GALNTL6: variants seen among roughly 807,000 people sequenced by gnomAD.
The protein encoded by GALNTL6 is polypeptide N-acetylgalactosaminyltransferase-like 6.
Under a neutral mutation model 73.7 loss-of-function variants are expected in GALNTL6, and 46 were observed. The observed-to-expected ratio is 0.62, with a 90% CI of 0.49 to 0.80. The LOEUF (loss-of-function observed/expected upper bound fraction) is 0.80, where lower values mean the gene tolerates loss of function less well. Among genes scored for constraint, GALNTL6 ranks in the 30% least tolerant of loss-of-function variants. The probability of loss-of-function intolerance (pLI) is 0.00; values close to 1 mark genes in which losing one functional copy is unlikely to be tolerated. For synonymous variants in GALNTL6, 259 were observed against 263.7 expected (o/e 0.98, Z 0.17); for missense variants, 604 against 755.0 (o/e 0.80, Z 2.34).
Position 172,809,472 on chromosome 4 carries a change from T to A in GALNTL6, c.665T>A (p.Met222Lys). The A allele has an allele frequency of 6.2e-7, 1 of 1,613,888 alleles. No homozygotes were observed. Among genetic ancestry groups the A allele is most frequent in the Non-Finnish European group, 8.5e-7 (1 of 1,179,860 alleles). ...CGGACCCGTCTCCTGGGGGCATCTA[T>A]GGCCAGAGGAGAAGTCCTGACATTC... Reference protein sequence around the residue: ...LIRTRLLGASMARGEVLTFLD... With the variant: ...LIRTRLLGASKARGEVLTFLD... The change falls in exon 6 of 13, where the codon ATG (methionine) becomes AAG (lysine). Residue 222 changes from methionine (M) to lysine (K), a missense_variant. Coordinates refer to ENST00000506823, the MANE Select transcript of GALNTL6 (RefSeq NM_001034845.3). This position sits in a 1 kb window ranked among gnomAD's most constrained non-coding sequence, Gnocchi z 4.4.
intron 5 of GALNTL6, among the ~76,000 whole-genome samples, chr4:172,609,813 G>C (rs922512834): frequency 1.3e-5 from 2 of 150,730 alleles, no homozygotes; most frequent in Non-Finnish European, 2.9e-5. Context: ...CTATGAATCC[G>C]TCTGGTCCTG....
chr4:172,871,220 T>C (rs7657402), intron 7 of GALNTL6, among the ~76,000 whole-genome samples: 1,978 of 152,272 alleles, frequency 0.013, 50 homozygotes, highest in African/African-American at 0.045. Context: ...TCCCTTCCTC[T>C]GGAGATAATA....
intron 5 of GALNTL6, among the ~76,000 whole-genome samples, chr4:172,409,002 T>C (rs1161619844): frequency 6.6e-6 from 1 of 152,086 alleles, no homozygotes; most frequent in East Asian, 1.9e-4. Flanking sequence ...TTATTAAGCC[T>C]TTTTAATTTA....
chr4:172,271,940 C>T (rs1039461899), intron 3 of GALNTL6, among the ~76,000 whole-genome samples: 2 of 150,860 alleles, frequency 1.3e-5, no homozygotes, highest in Non-Finnish European at 2.9e-5. Flanking sequence ...ATAGGGCCAT[C>T]ATAAATATAT....
intron 5 of GALNTL6, among the ~76,000 whole-genome samples, chr4:172,716,900 T>G (rs1374102249): frequency 6.6e-6 from 1 of 152,174 alleles, no homozygotes; most frequent in Non-Finnish European, 1.5e-5. Flanking sequence ...ATAGTTGGAG[T>G]TTATGTCATT....
intron 9 of GALNTL6, among the ~76,000 whole-genome samples, chr4:172,937,006 G>T (rs1243639730): frequency 6.6e-6 from 1 of 151,998 alleles, no homozygotes; most frequent in Non-Finnish European, 1.5e-5. Flanking sequence ...AGCAGCCTGG[G>T]CATCTCTGGT....
intron 2 of GALNTL6, among the ~76,000 whole-genome samples, chr4:171,879,930 C>A (rs1736392434): frequency 6.6e-6 from 1 of 152,022 alleles, no homozygotes; most frequent in South Asian, 2.1e-4. Context: ...TCTTTTCATC[C>A]TGAAGAAATA....
In GALNTL6 at chr4:172,952,465, T is replaced by C. The variant is rs112623877; in HGVS notation, c.1371+207T>C. The stretch of plus-strand genomic sequence containing the variant: ...TCAGAGTTGATAGCCTAACCCAGAA[T>C]TAGTGACCACTGTTGATTCCCCAGA... On this transcript the variant is annotated intron_variant, in intron 10 of 12. Transcript: ENST00000506823. Among the ~76,000 whole-genome samples the C allele has an allele frequency of 5.2e-3, 786 of 152,306 alleles. 10 individuals carry two copies. The highest frequency in any genetic ancestry group is 0.018 in the African/African-American group (740 of 41,570).
chr4:172,778,283 G>A (rs1048904977), intron 5 of GALNTL6, among the ~76,000 whole-genome samples: 3 of 152,142 alleles, frequency 2.0e-5, no homozygotes, highest in African/African-American at 7.2e-5. Flanking sequence ...AGGATAGGTG[G>A]CCCAATGACA....
intron 5 of GALNTL6, among the ~76,000 whole-genome samples, chr4:172,349,219 G>A (rs996917865): frequency 6.6e-6 from 1 of 151,808 alleles, no homozygotes; most frequent in African/African-American, 2.4e-5. Flanking sequence ...TAGTGTAATA[G>A]TATCTTACAA....
chr4:172,898,466 T>A (rs1841168), intron 8 of GALNTL6, among the ~76,000 whole-genome samples: 1 of 150,810 alleles, frequency 6.6e-6, no homozygotes, highest in East Asian at 1.9e-4. Context: ...AAAAAAAAGA[T>A]CTCATAAAAT....
At chr4:172,301,062 G>T (rs950796288) in intron 3 of GALNTL6, among the ~76,000 whole-genome samples, 2 of 152,112 alleles carry the variant, frequency 1.3e-5, no homozygotes, top group East Asian at 3.9e-4. Context: ...GGCTTTGTTC[G>T]TTTCTTTTTA....
chr4:172,159,951 A>T (rs1445526795), intron 2 of GALNTL6, among the ~76,000 whole-genome samples: 1 of 151,872 alleles, frequency 6.6e-6, no homozygotes, highest in Non-Finnish European at 1.5e-5. Context: ...TTAGAAATGA[A>T]CTCCATTGAC....
chr4:172,028,253 G>A (rs1332604360), intron 2 of GALNTL6, among the ~76,000 whole-genome samples: 1 of 151,460 alleles, frequency 6.6e-6, no homozygotes, highest in Non-Finnish European at 1.5e-5. Context: ...CAAAATTCAT[G>A]ATGAATTGCA....
At chr4:172,584,876 G>T (rs1737340449) in intron 5 of GALNTL6, among the ~76,000 whole-genome samples, 1 of 152,178 alleles carries the variant, frequency 6.6e-6, no homozygotes, top group Non-Finnish European at 1.5e-5. Context: ...AGAGTATGTG[G>T]AGTGAAATGA....
At position 171,883,699 on chromosome 4, in the gene GALNTL6, C is replaced by G. The variant is rs28520878; in HGVS notation, c.138+68981C>G. ...GTCTCGCTCTGTCGCCCAGGCTGGA[C>G]TGCAGTGGCGCTATCTCAGCTCACT... On this transcript the variant is annotated intron_variant, in intron 2 of 12. Coordinates refer to ENST00000506823, the MANE Select transcript of GALNTL6 (RefSeq NM_001034845.3). Among the ~76,000 whole-genome samples the G allele has an allele frequency of 2.5e-3, 377 of 151,454 alleles. 2 individuals carry two copies. Among genetic ancestry groups the G allele is most frequent in the Non-Finnish European group, 3.2e-3 (216 of 67,778 alleles).
At chr4:172,872,534 A>G (rs1278689365) in intron 7 of GALNTL6, among the ~76,000 whole-genome samples, 3 of 152,208 alleles carry the variant, frequency 2.0e-5, no homozygotes, top group Admixed American at 6.5e-5. Context: ...TGAGACTTTA[A>G]ATAAAGAAAA....
chr4:171,906,881 C>G (rs1560835469), intron 2 of GALNTL6, among the ~76,000 whole-genome samples: 1 of 152,106 alleles, frequency 6.6e-6, no homozygotes, highest in Non-Finnish European at 1.5e-5. Context: ...TAAACAGAAC[C>G]AAAGACAAAA....
intron 11 of GALNTL6, among the ~76,000 whole-genome samples, chr4:173,012,046 G>T (rs1354090794): frequency 6.6e-6 from 1 of 152,064 alleles, no homozygotes; most frequent in African/African-American, 2.4e-5. Context: ...TCAGACCACA[G>T]GTGCATACCA....
Sources: allele counts gnomAD v4.1 joint callset (sites outside exome capture counted in the v4.1 genomes callset), GRCh38; gene constraint gnomAD v4.1.1; non-coding constraint Gnocchi (gnomAD v3.1); transcripts MANE v1.5; gene names NCBI Gene and HGNC (gene_info 2026-07-23, HGNC 2026-07-21).